The following WWOX variants were observed in gnomAD, a reference collection of about 807,000 sequenced individuals.
WWOX encodes WW domain-containing oxidoreductase.
A neutral mutation model predicts 46.2 loss-of-function variants in WWOX; 69 were observed. That is an observed-to-expected ratio of 1.49 (90% CI 1.23 to 1.82). The LOEUF is 1.82. Among genes scored for constraint, WWOX ranks in the 40% most tolerant of loss-of-function variants. The pLI is 0.00. For missense variants in WWOX, 919 were observed against 542.6 expected, an observed-to-expected ratio of 1.69 and a Z score of -6.89; for synonymous variants, 359 against 202.6, an observed-to-expected ratio of 1.77 and a Z score of -6.56.
At chr16:78,406,309 T>TATAAATATAA (rs2082535254) in intron 6 of WWOX, among the ~76,000 whole-genome samples, 1 of 24,892 alleles carries the variant, frequency 4.0e-5, no homozygotes, top group South Asian at 1.4e-3. Flanking sequence ...TATAAATATA[T>TATAAATATAA]ATATATATAT....
chr16:79,056,002 T>C (rs1042521318), intron 8 of WWOX, among the ~76,000 whole-genome samples: 7 of 152,202 alleles, frequency 4.6e-5, no homozygotes. Flanking sequence ...CCTAATCTTC[T>C]ATTTAGCAAG....
chr16:78,728,070 T>TCC (rs2048879027), intron 8 of WWOX, among the ~76,000 whole-genome samples: 1 of 141,504 alleles, frequency 7.1e-6, no homozygotes, highest in African/African-American at 2.6e-5. Context: ...TTTTTTTTTT[T>TCC]TTTTTTTTTT....
chr16:78,922,346 T>A (rs1353745986), intron 8 of WWOX, among the ~76,000 whole-genome samples: 2 of 151,972 alleles, frequency 1.3e-5, no homozygotes, highest in African/African-American at 2.4e-5. Flanking sequence ...AAAGACTCTT[T>A]TTTTCAGGAA....
At chr16:78,523,072 CA>C (rs2043384425) in intron 8 of WWOX, among the ~76,000 whole-genome samples, 1 of 151,806 alleles carries the variant, frequency 6.6e-6, no homozygotes, top group East Asian at 1.9e-4. Context: ...ACCCATCCCC[CA>C]AAAAAATAAA....
In WWOX at chr16:78,543,759, C is replaced by G. The variant is rs60904967; in HGVS notation, c.1056+111007C>G. ...CCTCAAAACAGAAACCTGTGAGATC[C>G]CTTGAATATACTGACAATACACTGA... is the stretch of plus-strand genomic sequence containing the variant. On this transcript the variant is annotated intron_variant, in intron 8 of 8. Coordinates refer to ENST00000566780, the MANE Select transcript of WWOX (RefSeq NM_016373.4). 5.3e-3 allele frequency among the ~76,000 whole-genome samples: 807 copies of G among 152,208 alleles called. 10 individuals carry two copies. The highest frequency in any genetic ancestry group is 0.019 in the African/African-American group (770 of 41,536).
At chr16:78,816,276 A>T (rs963098394) in intron 8 of WWOX, among the ~76,000 whole-genome samples, 1 of 152,166 alleles carries the variant, frequency 6.6e-6, no homozygotes, top group Non-Finnish European at 1.5e-5. Context: ...CTAGCATTTG[A>T]GTTCCCAAAG....
chr16:78,593,207 A>AC (rs1555570269), intron 8 of WWOX, among the ~76,000 whole-genome samples: 3 of 150,252 alleles, frequency 2.0e-5, no homozygotes, highest in Non-Finnish European at 4.4e-5. Context: ...CTTGATCCTG[A>AC]TTTTTTTTTT....
intron 5 of WWOX, among the ~76,000 whole-genome samples, chr16:78,360,418 C>T (rs905223690): frequency 1.3e-5 from 2 of 151,850 alleles, no homozygotes; most frequent in African/African-American, 4.8e-5. Flanking sequence ...AATCCTGTCT[C>T]TACTAAAAAT....
intron 8 of WWOX, among the ~76,000 whole-genome samples, chr16:78,530,520 C>T (rs1331962429): frequency 1.3e-5 from 2 of 152,192 alleles, no homozygotes; most frequent in South Asian, 2.1e-4. Context: ...CTCTAATTTC[C>T]AGCTGCTTCT....
chr16:78,685,339 G>C (rs1486493501), intron 8 of WWOX, among the ~76,000 whole-genome samples: 1 of 152,060 alleles, frequency 6.6e-6, no homozygotes, highest in Non-Finnish European at 1.5e-5. Context: ...CTTTCATTCT[G>C]TGATTTTTTT....
At chr16:78,304,435 A>G (rs780496021) in intron 5 of WWOX, among the ~76,000 whole-genome samples, 4 of 152,334 alleles carry the variant, frequency 2.6e-5, no homozygotes, top group Non-Finnish European at 5.9e-5. Flanking sequence ...TAGAATTTTC[A>G]GATGAATGAG....
intron 8 of WWOX, among the ~76,000 whole-genome samples, chr16:78,648,745 T>G (rs2142136536): frequency 6.6e-6 from 1 of 152,318 alleles, no homozygotes; most frequent in East Asian, 1.9e-4. Context: ...TCTTTTTTGT[T>G]TAACCATAAA....
At chr16:78,609,326 G>A (rs1353281430) in intron 8 of WWOX, among the ~76,000 whole-genome samples, 1 of 152,050 alleles carries the variant, frequency 6.6e-6, no homozygotes, top group Non-Finnish European at 1.5e-5. Context: ...TTTTCAAGGG[G>A]AGGCTTAGCA....
chr16:79,101,542 A>C (rs1441223365), intron 8 of WWOX: 1 of 152,152 alleles, frequency 6.6e-6, no homozygotes, highest in Non-Finnish European at 1.5e-5. Flanking sequence ...GTGGGTCTAC[A>C]GTGGGTCCTG....
chr16:78,758,268 A>T (rs74981194), intron 8 of WWOX, among the ~76,000 whole-genome samples: 5,301 of 152,284 alleles, frequency 0.035, 288 homozygotes, highest in African/African-American at 0.12. Flanking sequence ...TTACCAGAGA[A>T]TACTCTAAGC....
chr16:79,148,239 T>G (rs73580986), intron 8 of WWOX, among the ~76,000 whole-genome samples: 3,866 of 152,264 alleles, frequency 0.025, 168 homozygotes, highest in African/African-American at 0.089. Context: ...AAATTTTGAG[T>G]TAATTTTTGT....
intron 5 of WWOX, among the ~76,000 whole-genome samples, chr16:78,259,681 A>G (rs536888845): frequency 1.3e-5 from 2 of 151,704 alleles, no homozygotes; most frequent in South Asian, 4.1e-4. Context: ...TGAGAAGTAT[A>G]GAAGTGGGCA....
chr16:78,658,679 G>C (rs2047136754), intron 8 of WWOX, among the ~76,000 whole-genome samples: 1 of 152,084 alleles, frequency 6.6e-6, no homozygotes, highest in Non-Finnish European at 1.5e-5. Context: ...TTCACTCTCT[G>C]TCTTTGCTCC....
intron 8 of WWOX, among the ~76,000 whole-genome samples, chr16:78,947,731 G>T (rs758357557): frequency 6.6e-6 from 1 of 152,180 alleles, no homozygotes; most frequent in Non-Finnish European, 1.5e-5. Context: ...AAAAGAATGT[G>T]CCACCTAGAT....
Sources: gnomAD v4.1 joint callset for allele counts (sites outside exome capture counted in the v4.1 genomes callset) on GRCh38, gnomAD v4.1.1 for gene constraint, MANE v1.5 for transcripts, NCBI Gene and HGNC (gene_info 2026-07-23, HGNC 2026-07-21) for gene names.